The following MMUT variants were observed in gnomAD, a reference collection of about 807,000 sequenced individuals.
MMUT encodes the protein methylmalonyl-CoA mutase, mitochondrial.
A neutral mutation model predicts 79.9 loss-of-function variants in MMUT; 79 were observed. That is an observed-to-expected ratio of 0.99 (90% confidence interval 0.82 to 1.19). The LOEUF is 1.19. Ranked by LOEUF, MMUT falls within the 50% of genes most tolerant of loss-of-function variation. The probability of loss-of-function intolerance (pLI) is 0.00; values close to 1 mark genes in which losing one functional copy is unlikely to be tolerated. For missense variants in MMUT, 860 were observed against 917.2 expected (o/e 0.94, Z 0.81); for synonymous variants, 273 against 295.7 (o/e 0.92, Z 0.79).
intron 11 of MMUT, among the ~76,000 whole-genome samples, chr6:49,438,975 T>C (rs1376215170): frequency 6.6e-6 from 1 of 152,142 alleles, no homozygotes; most frequent in Admixed American, 6.5e-5. Context: ...CTTGTGATCA[T>C]GTGAGTTAAC....
rs1183369398 is a variant in MMUT at position 49,431,784 on chromosome 6, C to T, written c.2197G>A (p.Val733Ile). Reference protein sequence around the residue: ...GPGTRIPKAAVQVLDDIEKCL... With the variant: ...GPGTRIPKAAIQVLDDIEKCL... The stretch of plus-strand genomic sequence containing the variant: ...TTCTCAATATCATCAAGCACCTGAA[C>T]GGCAGCCTTTGGAATTCGAGTCCCA... The change falls in exon 13 of 13, where the codon GTT becomes ATT. Residue 733 changes from valine (V) to isoleucine (I), a missense_variant. Physicochemically the swap from Val to Ile is conservative, Grantham distance 29. Transcript: ENST00000274813. 51 of 1,613,804 alleles carry T rather than the reference C, an allele frequency of 3.2e-5. No individual in the cohort carries two copies. Among genetic ancestry groups the T allele is most frequent in the Non-Finnish European group, 4.2e-5 (50 of 1,179,886 alleles).
rs148776725 is a variant in MMUT, at chr6:49,448,123, G to A, written c.1445-338C>T. On this transcript the variant is annotated intron_variant, in intron 7 of 12. Coordinates refer to ENST00000274813, the MANE Select transcript of MMUT (RefSeq NM_000255.4). ...TAAGGTAGAGAATGAATACCCAGTAGCTTTTCTAATATTTTTTTGAATTCA... is the reference window on the plus strand; with the variant it reads ...TAAGGTAGAGAATGAATACCCAGTAACTTTTCTAATATTTTTTTGAATTCA... Among the ~76,000 whole-genome samples the A allele has an allele frequency of 4.2e-3, 637 of 152,048 alleles. 1 individual carries two copies. The highest frequency in any genetic ancestry group is 6.3e-3 in the Non-Finnish European group (430 of 67,888).
intron 11 of MMUT, 85 bp downstream of exon 11, chr6:49,440,121 C>A: frequency 6.5e-7 from 1 of 1,536,790 alleles, no homozygotes; most frequent in South Asian, 1.1e-5. Context: ...TTAATTTGCT[C>A]AATGTCTGTC....
At chr6:49,448,306 A>G (rs543554897) in intron 7 of MMUT, among the ~76,000 whole-genome samples, 52 of 151,568 alleles carry the variant, frequency 3.4e-4, no homozygotes, top group African/African-American at 1.2e-3. Context: ...CCCTGGTTAT[A>G]CTCCTTCATA....
At chr6:49,452,982 C>T (rs1354802586) in intron 5 of MMUT, among the ~76,000 whole-genome samples, 2 of 150,700 alleles carry the variant, frequency 1.3e-5, no homozygotes, top group African/African-American at 2.4e-5. Flanking sequence ...TATGAGAGTA[C>T]TAACTTATGA....
At position 49,448,932 on chromosome 6, in the gene MMUT, AAAG is replaced by A. The variant is rs1219303946; in HGVS notation, c.1333-8_1333-6del. 2.5e-6 allele frequency: 4 copies of A among 1,575,772 alleles called. No homozygotes were observed. Among genetic ancestry groups the A allele is most frequent in the Non-Finnish European group, 3.5e-6 (4 of 1,145,342 alleles). ...TTCTTCAATTTCATTAATGAGCTAAAAAGAAAAACATTAACAAAACTAAAAGAG... is the reference window on the plus strand; with the variant it reads ...TTCTTCAATTTCATTAATGAGCTAAAAAAAACATTAACAAAACTAAAAGAG... On this transcript the variant is annotated splice_polypyrimidine_tract_variant and splice_region_variant and intron_variant, in intron 6 of 12. Coordinates refer to ENST00000274813, the MANE Select transcript of MMUT (RefSeq NM_000255.4).
intron 9 of MMUT, chr6:49,443,822 T>C (rs1208751259): frequency 4.5e-6 from 2 of 439,824 alleles, no homozygotes; most frequent in East Asian, 7.3e-5. Flanking sequence ...CTGAAGCAGA[T>C]ATAACATGAG....
chr6:49,449,763 G>A (rs1377490724), intron 6 of MMUT, among the ~76,000 whole-genome samples: 1 of 152,020 alleles, frequency 6.6e-6, no homozygotes, highest in Non-Finnish European at 1.5e-5. Context: ...AATATAAATG[G>A]ATTCTGTACT....
chr6:49,455,954 C>G (rs1767675231), intron 4 of MMUT, 126 bp downstream of exon 4: 1 of 850,808 alleles, frequency 1.2e-6, no homozygotes, highest in African/African-American at 1.7e-5. Context: ...CATTATCACT[C>G]AGATAAAATA....
Position 49,459,445 on chromosome 6 carries a change from G to T in MMUT, c.22C>A (p.Leu8Ile). The T allele has an allele frequency of 1.2e-6, 2 of 1,612,760 alleles. No homozygotes were observed. The change falls in exon 2 of 13, where the codon CTT becomes ATT. Residue 8 changes from leucine to isoleucine, a missense_variant. By Grantham distance (5) the Leu-to-Ile change is conservative. Coordinates refer to ENST00000274813, the MANE Select transcript of MMUT (RefSeq NM_000255.4). Reference protein sequence around the residue: MLRAKNQLFLLSPHYLRQ... With the variant: MLRAKNQIFLLSPHYLRQ... ...AGGTAATGAGGTGAAAGTAAAAAAAGCTGATTCTTAGCTCTTAACATGGTG... is the reference window on the plus strand; with the variant it reads ...AGGTAATGAGGTGAAAGTAAAAAAATCTGATTCTTAGCTCTTAACATGGTG...
chr6:49,444,753 A>G lies in MMUT; in HGVS notation c.1562T>C (p.Ile521Thr). The G allele has an allele frequency of 1.9e-6, 3 of 1,610,298 alleles. No individual in the cohort carries two copies. Among genetic ancestry groups the G allele is most frequent in the South Asian group, 2.2e-5 (2 of 90,984 alleles). Reference protein sequence around the residue: ...RNRQIEKLKKIKSSRDQALAE... With the variant: ...RNRQIEKLKKTKSSRDQALAE... Reference sequence around the variant, plus strand: ...CAAAGCTTGATCCCTGCTGGATTTGATCTATGGAAAAAGTCAAGGAAAGGG... The same window carrying G: ...CAAAGCTTGATCCCTGCTGGATTTGGTCTATGGAAAAAGTCAAGGAAAGGG... Residue 521 changes from isoleucine (I) to threonine (T), a missense_variant and splice_region_variant, in exon 9 of 13, where the codon ATC (isoleucine) becomes ACC (threonine). Transcript: ENST00000274813.
At chr6:49,447,638 TAA>T (rs56408395) in intron 8 of MMUT, 30 bp downstream of exon 8, 1,578 of 1,069,162 alleles carry the variant, frequency 1.5e-3, no homozygotes, top group Middle Eastern at 1.8e-3. Context: ...AGAAAATACT[TAA>T]AAAAAAAAAA....
rs1165687368 is a variant in MMUT at position 49,438,085 on chromosome 6, C to G, written c.1956+2121G>C. ...GATGTAATTACAAGTAAGTAAATCT[C>G]TCTTTGTTAGGAGATTGTAACCTCG... is the stretch of plus-strand genomic sequence containing the variant. On this transcript the variant is annotated intron_variant, in intron 11 of 12. Transcript: ENST00000274813. Among the ~76,000 whole-genome samples, 7 of 144,328 alleles carry G rather than the reference C, an allele frequency of 4.9e-5. No individual in the cohort carries two copies. The East Asian group carries it at 1.4e-3, about 28-fold the overall frequency. The allele number at this position is 144,328 out of a possible 152,430, so 94.7% of individuals were successfully genotyped here.
At position 49,444,858 on chromosome 6, in the gene MMUT, A is replaced by C. The variant is rs984836837; in HGVS notation, c.1561-104T>G. On this transcript the variant is annotated intron_variant, in intron 8 of 12. Coordinates refer to ENST00000274813, the MANE Select transcript of MMUT (RefSeq NM_000255.4). The stretch of plus-strand genomic sequence containing the variant: ...ATAGCATATGGCATTTTTTTCCATA[A>C]TCCTAACTCCAAATTTAAGAGGAAA... The C allele has an allele frequency of 1.3e-5, 10 of 782,848 alleles. No individual in the cohort carries two copies. The East Asian group carries it at 2.5e-4, about 20-fold the overall frequency. The allele number at this position is 782,848 out of a possible 1,614,324, so 48.5% of individuals were successfully genotyped here. A position where few individuals can be genotyped will look rare whatever the true frequency, so the allele number is the denominator to read the frequency against.
At chr6:49,450,237 A>AC (rs2127417547) in intron 6 of MMUT, among the ~76,000 whole-genome samples, 1 of 151,884 alleles carries the variant, frequency 6.6e-6, no homozygotes, top group Non-Finnish European at 1.5e-5. Context: ...CTTAAAAAAA[A>AC]AAAAAAAAAA....
chr6:49,451,018 T>C (rs1412250604), intron 6 of MMUT, among the ~76,000 whole-genome samples: 1 of 152,130 alleles, frequency 6.6e-6, no homozygotes, highest in African/African-American at 2.4e-5. Flanking sequence ...ACTACCCTAC[T>C]AGGAAAGCAA....
chr6:49,441,437 A>T (rs1767271061), intron 10 of MMUT, among the ~76,000 whole-genome samples: 1 of 151,912 alleles, frequency 6.6e-6, no homozygotes, highest in Non-Finnish European at 1.5e-5. Context: ...GGAGGATATG[A>T]AGCAATATCA....
At chr6:49,438,582 A>T (rs1453435344) in intron 11 of MMUT, among the ~76,000 whole-genome samples, 1 of 152,148 alleles carries the variant, frequency 6.6e-6, no homozygotes, top group Non-Finnish European at 1.5e-5. Context: ...ATTATATTTT[A>T]TTTTTATTTC....
At chr6:49,458,928 C>G (rs1767762100) in intron 2 of MMUT, among the ~76,000 whole-genome samples, 154 bp downstream of exon 2, 1 of 152,056 alleles carries the variant, frequency 6.6e-6, no homozygotes, top group South Asian at 2.1e-4. Context: ...TTTTTGACCA[C>G]AGAAGTTAAA....
Sources: allele counts gnomAD v4.1 joint callset (sites outside exome capture counted in the v4.1 genomes callset), GRCh38; gene constraint gnomAD v4.1.1; transcripts MANE v1.5; gene names NCBI Gene and HGNC (gene_info 2026-07-23, HGNC 2026-07-21).